Variants in DLG1 observed in about 807,000 individuals in gnomAD.
The protein encoded by DLG1 is discs large MAGUK scaffold protein 1.
In DLG1, 42 loss-of-function variants were observed where a neutral mutation model predicts 123.4. The ratio of observed to expected loss-of-function variants is 0.34; its 90% CI spans 0.27 to 0.44. The LOEUF (loss-of-function observed/expected upper bound fraction) is 0.44. Ranked by LOEUF, DLG1 falls within the 20% of genes least tolerant of loss-of-function variation. DLG1 has a pLI of 1.00. For synonymous variants in DLG1, 317 were observed against 356.2 expected (o/e 0.89, Z 1.24); for missense variants, 942 against 1,082.6 (o/e 0.87, Z 1.82).
rs1753934504 is a variant in DLG1 at position 197,085,719 on chromosome 3, G to A, written c.1699C>T (p.Leu567Phe). ...FDYDKTKDSG[L>F]PSQGLNFKFG... ...TTGAAGTTCAGTCCCTGACTGGGAAGCCCACTGTCTTTAGTCTTGTCATAA... is the reference window on the plus strand; with the variant it reads ...TTGAAGTTCAGTCCCTGACTGGGAAACCCACTGTCTTTAGTCTTGTCATAA... The change falls in exon 16 of 25, where the codon CTT becomes TTT. Residue 567 changes from leucine (L) to phenylalanine (F), a missense_variant. By Grantham distance (22) the Leu-to-Phe change is conservative. Transcript: ENST00000667157. 1 of 1,613,760 alleles carries A rather than the reference G, an allele frequency of 6.2e-7. No individual in the cohort carries two copies. Among genetic ancestry groups the A allele is most frequent in the Non-Finnish European group, 8.5e-7 (1 of 1,179,942 alleles).
intron 11 of DLG1, among the ~76,000 whole-genome samples, chr3:197,127,444 AAAAAAAAAAAAAAATATATATATATATAT>A (rs1779922170): frequency 3.5e-5 from 1 of 28,440 alleles, no homozygotes; most frequent in Non-Finnish European, 6.7e-5. Flanking sequence ...AAAAAAAAAA[AAAAAAAAAAAAAAATATATATATATATAT>A]ATATATATAT....
intron 5 of DLG1, among the ~76,000 whole-genome samples, chr3:197,173,219 T>C (rs919759083): frequency 1.3e-5 from 2 of 152,198 alleles, no homozygotes; most frequent in African/African-American, 4.8e-5. Flanking sequence ...TCTAGATTCC[T>C]CATTTAAAGG....
chr3:197,071,019 C>T (rs1234842005), intron 18 of DLG1: 1 of 151,928 alleles, frequency 6.6e-6, no homozygotes, highest in Non-Finnish European at 1.5e-5. Flanking sequence ...TTTTTATTTG[C>T]TTTAAACTGT....
intron 5 of DLG1, chr3:197,161,732 C>T: frequency 6.4e-7 from 1 of 1,567,626 alleles, no homozygotes; most frequent in East Asian, 2.4e-5. Context: ...AGAACAGCTT[C>T]TGTTGGCTAA....
chr3:197,194,403 TAATA>T lies in DLG1; in HGVS notation c.483+18_483+21del, dbSNP rs769253875. ...AAAAGTAATATGTAATTCATAACAA[TAATA>T]AATAGATACTATCCTACCTTTATTG... On this transcript the variant is annotated intron_variant, in intron 5 of 24. Coordinates refer to ENST00000667157, the MANE Select transcript of DLG1 (RefSeq NM_001366207.1). 12 of 1,471,032 alleles carry T rather than the reference TAATA, an allele frequency of 8.2e-6. No homozygotes were observed. In the Admixed American group the frequency reaches 2.0e-4, roughly 24 times the overall value. The allele number at this position is 1,471,032 out of a possible 1,614,324, so 91.1% of individuals were successfully genotyped here.
At chr3:197,199,160 C>A (rs773290393) in intron 4 of DLG1, among the ~76,000 whole-genome samples, 2 of 152,128 alleles carry the variant, frequency 1.3e-5, no homozygotes, top group Non-Finnish European at 2.9e-5. Flanking sequence ...ATTGACATAT[C>A]TCTAGCCAAT....
intron 4 of DLG1, among the ~76,000 whole-genome samples, chr3:197,206,812 G>T (rs1384944169): frequency 7.2e-6 from 1 of 139,840 alleles, no homozygotes; most frequent in Non-Finnish European, 1.5e-5. Flanking sequence ...GAAAATCCAA[G>T]AGAAATGTAA....
chr3:197,182,575 C>T (rs553392337), intron 5 of DLG1, among the ~76,000 whole-genome samples: 1 of 152,112 alleles, frequency 6.6e-6, no homozygotes, highest in East Asian at 1.9e-4. Context: ...TATTGAGCTG[C>T]TTCTATTATT....
Position 197,115,918 on chromosome 3 carries a change from G to GTTA in DLG1, c.1443+8_1443+9insTAA. On this transcript the variant is annotated intron_variant, in intron 13 of 24. Coordinates refer to ENST00000667157, the MANE Select transcript of DLG1 (RefSeq NM_001366207.1). ...TAACAAAAACGTGATCTTGACTAAC[G>GTTA]TGTCTTACCGATATAATACGATCTC... 1 of 1,606,938 alleles carries GTTA rather than the reference G, an allele frequency of 6.2e-7. No homozygotes were observed. The highest frequency in any genetic ancestry group is 8.5e-7 in the Non-Finnish European group (1 of 1,177,940).
intron 17 of DLG1, among the ~76,000 whole-genome samples, chr3:197,080,086 G>C (rs969327240): frequency 1.3e-5 from 2 of 151,480 alleles, no homozygotes; most frequent in African/African-American, 4.9e-5. Context: ...CTTACTGCTA[G>C]AATATTCCAC....
At chr3:197,054,645 TTTTCC>T (rs774139487) in intron 23 of DLG1, among the ~76,000 whole-genome samples, 20 of 152,296 alleles carry the variant, frequency 1.3e-4, no homozygotes, top group Admixed American at 9.2e-4. Context: ...TTCATCTTTT[TTTTCC>T]TTTATCTTTT....
intron 5 of DLG1, chr3:197,183,854 C>A: frequency 6.5e-7 from 1 of 1,534,050 alleles, no homozygotes; most frequent in South Asian, 1.2e-5. Context: ...ACTTCTCTAC[C>A]AGCTGCTGAG....
chr3:197,101,390 CT>C (rs11368400), intron 14 of DLG1, among the ~76,000 whole-genome samples: 3,249 of 146,086 alleles, frequency 0.022, 35 homozygotes, highest in Non-Finnish European at 0.036. Flanking sequence ...ACAGGAGATT[CT>C]TTTTTTTTTT....
intron 13 of DLG1, among the ~76,000 whole-genome samples, chr3:197,113,203 T>C (rs1328141634): frequency 1.3e-5 from 2 of 152,226 alleles, no homozygotes; most frequent in Non-Finnish European, 2.9e-5. Flanking sequence ...GAAATTTGTC[T>C]AATCCATATT....
intron 9 of DLG1, among the ~76,000 whole-genome samples, chr3:197,137,300 A>G (rs1785514021): frequency 6.6e-6 from 1 of 152,214 alleles, no homozygotes; most frequent in Non-Finnish European, 1.5e-5. Context: ...AAATTCAGCA[A>G]TCACATCTTA....
chr3:197,164,739 T>TAAAAAAAAA (rs145314765), intron 5 of DLG1, among the ~76,000 whole-genome samples: 1 of 130,672 alleles, frequency 7.7e-6, no homozygotes, highest in Non-Finnish European at 1.6e-5. Flanking sequence ...CCGTCTCTAC[T>TAAAAAAAAA]AAAAAAAAAA....
At position 197,092,115 on chromosome 3, in the gene DLG1, T is replaced by A. The variant is rs531065774; in HGVS notation, c.1547-1089A>T. On this transcript the variant is annotated intron_variant, in intron 14 of 24. Transcript: ENST00000667157. ...TAATAGTAGAATGTATCCATCATAA[T>A]TAAATAAATATCAATCCATGGCAAG... 2.0e-5 allele frequency among the ~76,000 whole-genome samples: 3 copies of A among 152,284 alleles called. No homozygotes were observed. The East Asian group carries it at 5.8e-4, about 29-fold the overall frequency.
intron 6 of DLG1, among the ~76,000 whole-genome samples, 192 bp from the exon 7 acceptor site, chr3:197,142,960 C>A (rs1190484518): frequency 1.3e-5 from 2 of 152,188 alleles, no homozygotes; most frequent in South Asian, 2.1e-4. Flanking sequence ...AATGAGTTGA[C>A]AACATTCGTG....
At chr3:197,172,293 A>G (rs891642049) in intron 5 of DLG1, among the ~76,000 whole-genome samples, 6 of 152,178 alleles carry the variant, frequency 3.9e-5, no homozygotes, top group Non-Finnish European at 7.4e-5. Context: ...TGTACGGTAT[A>G]TAATACTTCA....
Sources: gnomAD v4.1 joint callset for allele counts (sites outside exome capture counted in the v4.1 genomes callset) on GRCh38, gnomAD v4.1.1 for gene constraint, MANE v1.5 for transcripts, NCBI Gene and HGNC (gene_info 2026-07-23, HGNC 2026-07-21) for gene names.